The following SBF2 variants were observed in gnomAD, a reference collection of about 807,000 sequenced individuals.
SBF2 encodes the protein SET binding factor 2, also known as myotubularin-related protein 13.
SBF2 carries 112 observed loss-of-function variants against 225.2 expected under a neutral mutation model. The observed-to-expected ratio is 0.50, with a 90% CI of 0.43 to 0.58. SBF2 has a LOEUF of 0.58. Ranked by LOEUF, SBF2 falls within the 20% of genes least tolerant of loss-of-function variation. The probability of loss-of-function intolerance (pLI) is 0.00; values close to 1 mark genes in which losing one functional copy is unlikely to be tolerated. For missense variants in SBF2, 1,996 were observed against 2,206.2 expected (o/e 0.90, Z 1.91); for synonymous variants, 763 against 773.3 (o/e 0.99, Z 0.22).
chr11:10,243,490 A>C (rs1959439790), intron 1 of SBF2, among the ~76,000 whole-genome samples: 1 of 151,842 alleles, frequency 6.6e-6, no homozygotes, highest in Non-Finnish European at 1.5e-5. Context: ...AATAAATGAG[A>C]AAGAGACGAG....
At chr11:9,964,539 A>C (rs1216834230) in intron 14 of SBF2, among the ~76,000 whole-genome samples, 1 of 152,226 alleles carries the variant, frequency 6.6e-6, no homozygotes, top group Admixed American at 6.5e-5. Context: ...CCAAAGAAAA[A>C]CTACATTCCA....
chr11:10,256,939 T>C (rs140942562), intron 1 of SBF2, among the ~76,000 whole-genome samples: 8 of 152,330 alleles, frequency 5.3e-5, no homozygotes, highest in African/African-American at 1.4e-4. Flanking sequence ...AAGATAATTA[T>C]TTATTATAGA....
At chr11:9,909,548 T>C (rs1862415663) in intron 16 of SBF2, among the ~76,000 whole-genome samples, 1 of 151,844 alleles carries the variant, frequency 6.6e-6, no homozygotes, top group African/African-American at 2.4e-5. Context: ...CGGGCACCTG[T>C]AGTCCCAGCT....
intron 2 of SBF2, among the ~76,000 whole-genome samples, chr11:10,118,889 T>G: frequency 7.1e-6 from 1 of 140,626 alleles, no homozygotes; most frequent in Non-Finnish European, 1.5e-5. Flanking sequence ...GCTGATCACC[T>G]GAAGTACTGG....
At chr11:9,841,838 T>C (rs866277820) in intron 25 of SBF2, among the ~76,000 whole-genome samples, 13 of 152,310 alleles carry the variant, frequency 8.5e-5, no homozygotes, top group Middle Eastern at 3.4e-3. Flanking sequence ...CTGGCCCACA[T>C]AGGTTCTTTA....
chr11:9,903,823 T>C (rs1861918575), intron 16 of SBF2, among the ~76,000 whole-genome samples: 1 of 152,166 alleles, frequency 6.6e-6, no homozygotes, highest in African/African-American at 2.4e-5. Context: ...ATCTGTGGCT[T>C]TCTTCCCTTT....
intron 2 of SBF2, among the ~76,000 whole-genome samples, chr11:10,155,313 T>A (rs182359406): frequency 6.6e-6 from 1 of 152,230 alleles, no homozygotes; most frequent in African/African-American, 2.4e-5. Context: ...TTCATGTTTT[T>A]AATTTGTTCA....
At chr11:10,200,483 C>T (rs1482459120) in intron 1 of SBF2, among the ~76,000 whole-genome samples, 1 of 151,832 alleles carries the variant, frequency 6.6e-6, no homozygotes, top group Non-Finnish European at 1.5e-5. Flanking sequence ...CTCTTGGTGG[C>T]CACAAGACTC....
At chr11:10,082,235 A>C (rs11042613) in intron 2 of SBF2, among the ~76,000 whole-genome samples, 11,141 of 152,198 alleles carry the variant, frequency 0.073, 874 homozygotes, top group Admixed American at 0.2. Flanking sequence ...ACTAGTAATA[A>C]AAATTCACCC....
chr11:10,087,309 GC>G (rs1352677749), intron 2 of SBF2, among the ~76,000 whole-genome samples: 14 of 152,104 alleles, frequency 9.2e-5, no homozygotes, highest in Non-Finnish European at 1.5e-4. Flanking sequence ...TTTAGACTGA[GC>G]CGTTGCAGTA....
intron 26 of SBF2, among the ~76,000 whole-genome samples, chr11:9,837,746 C>CT (rs34863974): frequency 0.47 from 71,481 of 150,874 alleles, 17,153 homozygotes; most frequent in Admixed American, 0.49. Flanking sequence ...CAGCAGAAAG[C>CT]TTTTTTTTTG....
intron 9 of SBF2, among the ~76,000 whole-genome samples, chr11:9,995,585 GA>G (rs1947655171): frequency 6.6e-6 from 1 of 151,836 alleles, no homozygotes; most frequent in Non-Finnish European, 1.5e-5. Flanking sequence ...AATCATCCAT[GA>G]AATTTAGTCT....
At chr11:9,937,562 C>T (rs559191873) in intron 16 of SBF2, among the ~76,000 whole-genome samples, 1 of 152,070 alleles carries the variant, frequency 6.6e-6, no homozygotes, top group South Asian at 2.1e-4. Flanking sequence ...AGGATTAAGA[C>T]AGTGATAATT....
intron 2 of SBF2, among the ~76,000 whole-genome samples, chr11:10,092,275 A>T (rs554930399): frequency 6.6e-6 from 1 of 152,238 alleles, no homozygotes; most frequent in Non-Finnish European, 1.5e-5. Context: ...TAATATGCTA[A>T]TTTTTTTCTT....
intron 2 of SBF2, among the ~76,000 whole-genome samples, chr11:10,178,937 A>G (rs1476564029): frequency 7.0e-6 from 1 of 143,290 alleles, no homozygotes; most frequent in Non-Finnish European, 1.5e-5. Flanking sequence ...AAGACTTGGA[A>G]CCAACCCAAA....
At chr11:10,002,255 A>T (rs1948003507) in intron 7 of SBF2, among the ~76,000 whole-genome samples, 1 of 152,188 alleles carries the variant, frequency 6.6e-6, no homozygotes, top group African/African-American at 2.4e-5. Context: ...TATAACTTCT[A>T]AAAATTAATA....
intron 6 of SBF2, among the ~76,000 whole-genome samples, chr11:10,026,339 A>G (rs1489848283): frequency 6.6e-6 from 1 of 152,180 alleles, no homozygotes; most frequent in Non-Finnish European, 1.5e-5. Context: ...CCTTTTTTAA[A>G]GTAAAAAAGG....
chr11:10,147,051 T>TAAAA (rs201320634), intron 2 of SBF2, among the ~76,000 whole-genome samples: 5 of 108,516 alleles, frequency 4.6e-5, no homozygotes, highest in Non-Finnish European at 8.1e-5. Flanking sequence ...TATTAAAAAG[T>TAAAA]AAAAAAAAAA....
chr11:9,788,993 A>ATAACCC (rs1320106954), intron 35 of SBF2, 116 bp downstream of exon 35: 1 of 869,134 alleles, frequency 1.2e-6, no homozygotes, highest in Non-Finnish European at 1.9e-6. Flanking sequence ...CTTCATAACC[A>ATAACCC]TAACCCTAGC....
Sources: gnomAD v4.1 joint callset for allele counts (sites outside exome capture counted in the v4.1 genomes callset) on GRCh38, gnomAD v4.1.1 for gene constraint, MANE v1.5 for transcripts, NCBI Gene and HGNC (gene_info 2026-07-23, HGNC 2026-07-21) for gene names.